The following EIF2S1 variants were observed in gnomAD, a reference collection of about 807,000 sequenced individuals.
The protein encoded by EIF2S1 is eukaryotic translation initiation factor 2 subunit 1.
EIF2S1 carries 5 observed loss-of-function variants against 33.5 expected under a neutral mutation model. The ratio of observed to expected loss-of-function variants is 0.15; its 90% CI spans 0.08 to 0.31. The LOEUF (loss-of-function observed/expected upper bound fraction) is 0.31, where lower values mean the gene tolerates loss of function less well. EIF2S1 is among the 10% of genes least tolerant of loss of function. The pLI is 1.00. For synonymous variants in EIF2S1, 99 were observed against 127.5 expected (o/e 0.78, Z 1.51); for missense variants, 191 against 384.6 (o/e 0.50, Z 4.21).
intron 2 of EIF2S1, among the ~76,000 whole-genome samples, chr14:67,365,855 AT>A (rs2085773362): frequency 1.3e-5 from 2 of 152,112 alleles, no homozygotes; most frequent in African/African-American, 4.8e-5. Flanking sequence ...ACATACTGAC[AT>A]TTTAATTTTT....
intron 2 of EIF2S1, among the ~76,000 whole-genome samples, chr14:67,369,099 T>C (rs1389661069): frequency 1.3e-5 from 2 of 152,140 alleles, no homozygotes; most frequent in African/African-American, 2.4e-5. Context: ...AAGGCAGAGA[T>C]TGTTAGGATG....
intron 1 of EIF2S1, among the ~76,000 whole-genome samples, chr14:67,362,514 A>C (rs915152547): frequency 2.0e-5 from 3 of 152,220 alleles, no homozygotes; most frequent in Non-Finnish European, 2.9e-5. Context: ...TGTGATGTAC[A>C]TGGCACAGAT....
chr14:67,375,744 G>T (rs548221175), intron 3 of EIF2S1, among the ~76,000 whole-genome samples: 38 of 152,188 alleles, frequency 2.5e-4, no homozygotes, highest in Non-Finnish European at 4.7e-4. Flanking sequence ...TTAGAATGTA[G>T]TCTCTAAACT....
rs541791101 is a variant in EIF2S1 at position 67,379,654 on chromosome 14, CT to C, written c.474-987del. On this transcript the variant is annotated intron_variant, in intron 4 of 7. Coordinates refer to ENST00000256383, the MANE Select transcript of EIF2S1 (RefSeq NM_004094.5). Reference sequence around the variant, plus strand: ...GACATAACTTTCTTTTTTTCTTTTTCTTTTTTTTTTTTTTTTTTGAGACGGA... The same window carrying C: ...GACATAACTTTCTTTTTTTCTTTTTCTTTTTTTTTTTTTTTTTGAGACGGA... Among the ~76,000 whole-genome samples the C allele has an allele frequency of 4.5e-3, 540 of 119,924 alleles. 7 individuals carry two copies. Among genetic ancestry groups the C allele is most frequent in the African/African-American group, 0.016 (452 of 27,646 alleles). The allele number at this position is 119,924 out of a possible 152,430, so 78.7% of individuals were successfully genotyped here.
chr14:67,361,030 T>A (rs1216676850), intron 1 of EIF2S1, among the ~76,000 whole-genome samples: 1 of 152,148 alleles, frequency 6.6e-6, no homozygotes, highest in African/African-American at 2.4e-5. Context: ...AGACTTGAGT[T>A]TATTACTGTT....
chr14:67,377,509 C>T (rs2085863499), intron 4 of EIF2S1, among the ~76,000 whole-genome samples: 1 of 152,176 alleles, frequency 6.6e-6, no homozygotes, highest in Admixed American at 6.5e-5. Context: ...GAAACCATTG[C>T]ACAAGAACTA....
rs766276886 is a variant in EIF2S1, at chr14:67,383,466, A to G, written c.*26A>G. The G allele has an allele frequency of 2.5e-6, 4 of 1,610,834 alleles. No homozygotes were observed. The highest frequency in any genetic ancestry group is 3.4e-6 in the Non-Finnish European group (4 of 1,177,808). ...CTTTGTGGGAAACAGAGTCCAATTT[A>G]AGGAACACAGAGCAGCGCTTCCTGG... On this transcript the variant is annotated 3_prime_UTR_variant, in exon 8 of 8. Transcript: ENST00000256383.
Position 67,386,133 on chromosome 14 carries a change from A to G in EIF2S1, c.*2693A>G, listed in dbSNP as rs539367892. 1.3e-5 allele frequency: 2 copies of G among 152,650 alleles called. No homozygotes were observed. Among genetic ancestry groups the G allele is most frequent in the Non-Finnish European group, 2.9e-5 (2 of 68,040 alleles). The allele number at this position is 152,650 out of a possible 1,614,324, so 9.5% of individuals were successfully genotyped here. A position where few individuals can be genotyped will look rare whatever the true frequency, so the allele number is the denominator to read the frequency against. On this transcript the variant is annotated 3_prime_UTR_variant, in exon 8 of 8. Transcript: ENST00000256383. The stretch of plus-strand genomic sequence containing the variant: ...CATCAAACTAAACGTAGTTTAATTC[A>G]GATGAACACCTATCGATATTCAAAA...
At chr14:67,365,786 A>G (rs1329306638) in intron 2 of EIF2S1, among the ~76,000 whole-genome samples, 1 of 152,172 alleles carries the variant, frequency 6.6e-6, no homozygotes, top group Non-Finnish European at 1.5e-5. Context: ...ACCCTTCTGA[A>G]TCTCCTCAGC....
intron 5 of EIF2S1, among the ~76,000 whole-genome samples, chr14:67,381,385 C>T (rs530799506): frequency 6.6e-6 from 1 of 152,188 alleles, no homozygotes; most frequent in South Asian, 2.1e-4. Flanking sequence ...ATTTCTAAAC[C>T]GTTTTAGATA....
At chr14:67,377,472 T>A (rs554607944) in intron 4 of EIF2S1, among the ~76,000 whole-genome samples, 10 of 152,234 alleles carry the variant, frequency 6.6e-5, no homozygotes, top group Non-Finnish European at 1.3e-4. Flanking sequence ...GTATGCTCAC[T>A]ACCTATTTTA....
At chr14:67,364,746 A>C (rs2085763395) in intron 1 of EIF2S1, 21 bp from the exon 2 acceptor site, 3 of 1,601,144 alleles carry the variant, frequency 1.9e-6, no homozygotes, top group Admixed American at 3.4e-5. Flanking sequence ...TACTTACTTA[A>C]TTCTTTTGTT....
At chr14:67,374,707 CTG>C in intron 3 of EIF2S1, 160 bp downstream of exon 3, 2 of 444,398 alleles carry the variant, frequency 4.5e-6, no homozygotes, top group Non-Finnish European at 7.9e-6. Context: ...GTTAAATTAA[CTG>C]TGGGTGACTT....
chr14:67,366,396 A>G (rs1413272817), intron 2 of EIF2S1, among the ~76,000 whole-genome samples: 1 of 152,226 alleles, frequency 6.6e-6, no homozygotes, highest in Non-Finnish European at 1.5e-5. Context: ...TATAAAATAT[A>G]CACAAAAGGA....
intron 4 of EIF2S1, among the ~76,000 whole-genome samples, chr14:67,377,774 T>TGGAGCA (rs1348063636): frequency 6.6e-6 from 1 of 152,122 alleles, no homozygotes; most frequent in African/African-American, 2.4e-5. Context: ...AACTTTTCCT[T>TGGAGCA]TACTTTCTCT....
At chr14:67,362,005 CTTTT>C (rs201591769) in intron 1 of EIF2S1, among the ~76,000 whole-genome samples, 1 of 140,500 alleles carries the variant, frequency 7.1e-6, no homozygotes, top group Non-Finnish European at 1.6e-5. Flanking sequence ...AGGTAAGAGT[CTTTT>C]TTTTTTTTCT....
In EIF2S1 at chr14:67,380,646, T is replaced by C; in HGVS notation, c.474-13T>C. ...ACCTTGACCTTTTGTTATTTATTTATGTTTTTGACCAGAGACCCATCTATT... is the reference window on the plus strand; with the variant it reads ...ACCTTGACCTTTTGTTATTTATTTACGTTTTTGACCAGAGACCCATCTATT... On this transcript the variant is annotated splice_polypyrimidine_tract_variant and intron_variant, in intron 4 of 7. Coordinates refer to ENST00000256383, the MANE Select transcript of EIF2S1 (RefSeq NM_004094.5). 2 of 1,421,006 alleles carry C rather than the reference T, an allele frequency of 1.4e-6. No individual in the cohort carries two copies. Among genetic ancestry groups the C allele is most frequent in the South Asian group, 2.8e-5 (2 of 70,386 alleles). 88.0% of individuals were successfully genotyped at this position (1,421,006 alleles called of 1,614,324 possible).
intron 2 of EIF2S1, among the ~76,000 whole-genome samples, chr14:67,368,138 A>C (rs1255616694): frequency 6.6e-6 from 1 of 152,164 alleles, no homozygotes; most frequent in African/African-American, 2.4e-5. Context: ...AGGAGTCACA[A>C]GGAACTAGGG....
At chr14:67,378,314 CTTTTTTT>C (rs34487632) in intron 4 of EIF2S1, among the ~76,000 whole-genome samples, 7 of 107,630 alleles carry the variant, frequency 6.5e-5, no homozygotes, top group East Asian at 2.7e-4. Context: ...TCTCATGTGA[CTTTTTTT>C]TTTTTTTTTT....
Sources: gnomAD v4.1 joint callset for allele counts (sites outside exome capture counted in the v4.1 genomes callset) on GRCh38, gnomAD v4.1.1 for gene constraint, MANE v1.5 for transcripts, NCBI Gene and HGNC (gene_info 2026-07-23, HGNC 2026-07-21) for gene names.